The following TNR variants were observed in gnomAD, a reference collection of about 807,000 sequenced individuals.
TNR encodes tenascin-R.
Under a neutral mutation model 150.4 loss-of-function variants are expected in TNR, and 45 were observed. That is an observed-to-expected ratio of 0.30 (90% CI 0.24 to 0.38). The LOEUF (loss-of-function observed/expected upper bound fraction) is 0.38, where lower values mean the gene tolerates loss of function less well. Among genes scored for constraint, TNR ranks in the 10% least tolerant of loss-of-function variants. The pLI is 1.00. For synonymous variants in TNR, 687 were observed against 678.4 expected (o/e 1.01, Z -0.20); for missense variants, 1,544 against 1,759.1 (o/e 0.88, Z 2.19).
intron 1 of TNR, among the ~76,000 whole-genome samples, chr1:175,540,893 A>C (rs1229127541): frequency 1.3e-5 from 2 of 152,082 alleles, no homozygotes; most frequent in Admixed American, 1.3e-4. Context: ...AAACCTCTCA[A>C]GGTTTAAGGT....
intron 2 of TNR, among the ~76,000 whole-genome samples, chr1:175,450,595 A>G (rs921360094): frequency 3.9e-5 from 6 of 152,270 alleles, no homozygotes; most frequent in Non-Finnish European, 8.8e-5. Flanking sequence ...TCTTCTGGAC[A>G]GTGAGCTCCG....
In TNR at chr1:175,643,449, C is replaced by T. The variant is rs1260347250; in HGVS notation, c.-165+99777G>A. 2.0e-5 allele frequency among the ~76,000 whole-genome samples: 3 copies of T among 152,192 alleles called. No homozygotes were observed. The East Asian group carries it at 5.8e-4, about 29-fold the overall frequency. On this transcript the variant is annotated intron_variant, in intron 1 of 22. Transcript: ENST00000367674. ...TCTTCATATACACAGTGGAGATTTCCATGGCCTGTTCATCCACCTCATAGT... is the reference window on the plus strand; with the variant it reads ...TCTTCATATACACAGTGGAGATTTCTATGGCCTGTTCATCCACCTCATAGT...
intron 8 of TNR, among the ~76,000 whole-genome samples, chr1:175,384,258 G>T (rs1439220803): frequency 1.3e-5 from 2 of 152,220 alleles, no homozygotes; most frequent in African/African-American, 4.8e-5. Flanking sequence ...GGTATTGTGG[G>T]GGTGGGAAAT....
At chr1:175,342,428 C>T (rs1028474788) in intron 18 of TNR, among the ~76,000 whole-genome samples, 3 of 152,150 alleles carry the variant, frequency 2.0e-5, no homozygotes, top group Non-Finnish European at 4.4e-5. Flanking sequence ...TAGCAGGAGA[C>T]AGAGCAAGAA....
At position 175,508,393 on chromosome 1, in the gene TNR, G is replaced by T. The variant is rs190932844; in HGVS notation, c.-64+19876C>A. Among the ~76,000 whole-genome samples, 523 of 152,300 alleles carry T rather than the reference G, an allele frequency of 3.4e-3. 2 individuals are homozygous for T. Among genetic ancestry groups the T allele is most frequent in the African/African-American group, 0.012 (495 of 41,558 alleles). On this transcript the variant is annotated intron_variant, in intron 2 of 22. Transcript: ENST00000367674. Reference sequence around the variant, plus strand: ...TGGTCCCCAGTCATGCCACCTCCTGGTATTCACACCCTTGTCTAATTCCCT... The same window carrying T: ...TGGTCCCCAGTCATGCCACCTCCTGTTATTCACACCCTTGTCTAATTCCCT...
chr1:175,602,485 A>G (rs1335955157), intron 1 of TNR, among the ~76,000 whole-genome samples: 1 of 152,262 alleles, frequency 6.6e-6, no homozygotes, highest in Admixed American at 6.5e-5. Flanking sequence ...AAGTTTATCA[A>G]CAGGTCAAGC....
intron 2 of TNR, among the ~76,000 whole-genome samples, chr1:175,464,623 C>A (rs1656952996): frequency 6.6e-6 from 1 of 152,136 alleles, no homozygotes. Context: ...AGGTTATGAA[C>A]AGAAAGGTTG....
chr1:175,620,188 T>C (rs1165261413), intron 1 of TNR, among the ~76,000 whole-genome samples: 2 of 152,162 alleles, frequency 1.3e-5, no homozygotes, highest in Non-Finnish European at 2.9e-5. Flanking sequence ...TTCTCCCTGG[T>C]TTTTAAGAGA....
At chr1:175,337,481 G>A (rs1433429251) in intron 19 of TNR, 47 bp downstream of exon 19, 4 of 1,609,966 alleles carry the variant, frequency 2.5e-6, no homozygotes, top group African/African-American at 1.3e-5. Flanking sequence ...AGGTAGACTA[G>A]AACACTGAGG....
chr1:175,399,791 A>G (rs1653611941), intron 4 of TNR, among the ~76,000 whole-genome samples: 1 of 152,222 alleles, frequency 6.6e-6, no homozygotes, highest in African/African-American at 2.4e-5. Flanking sequence ...TTGAGGAATC[A>G]GGGTTGCTTA....
At chr1:175,600,326 T>C (rs1180078265) in intron 1 of TNR, among the ~76,000 whole-genome samples, 1 of 152,246 alleles carries the variant, frequency 6.6e-6, no homozygotes, top group Non-Finnish European at 1.5e-5. Flanking sequence ...TCTGGATTTA[T>C]GCAGTGAGAT....
intron 1 of TNR, among the ~76,000 whole-genome samples, chr1:175,581,785 T>C (rs763437738): frequency 2.0e-5 from 3 of 152,114 alleles, no homozygotes; most frequent in Non-Finnish European, 4.4e-5. Context: ...CCCCTGCTAA[T>C]AAAGAAAGAT....
chr1:175,382,516 T>C (rs1396312473), intron 8 of TNR, among the ~76,000 whole-genome samples: 2 of 152,216 alleles, frequency 1.3e-5, no homozygotes, highest in African/African-American at 4.8e-5. Context: ...GCCAAGCAGC[T>C]AGGGGCTTGA....
In TNR at chr1:175,711,635, C is replaced by A. The variant is rs958636828; in HGVS notation, c.-165+31591G>T. The stretch of plus-strand genomic sequence containing the variant: ...ACTGGGGAGAAGGCTAGTGCAGTAG[C>A]CCAGGCAGAGGACTGTGGCCGGGCC... On this transcript the variant is annotated intron_variant, in intron 1 of 22. Transcript: ENST00000367674. 3.7e-4 allele frequency among the ~76,000 whole-genome samples: 56 copies of A among 152,260 alleles called. 1 individual carries two copies.
intron 1 of TNR, among the ~76,000 whole-genome samples, chr1:175,687,417 G>A (rs549585345): frequency 6.6e-6 from 1 of 152,166 alleles, no homozygotes; most frequent in African/African-American, 2.4e-5. Context: ...TTTTCCAAAT[G>A]TTCAGTCTGC....
chr1:175,641,364 T>C (rs765114274), intron 1 of TNR, among the ~76,000 whole-genome samples: 2 of 152,064 alleles, frequency 1.3e-5, no homozygotes, highest in Non-Finnish European at 2.9e-5. Flanking sequence ...AACATCAATT[T>C]TGTGGTTTGC....
intron 1 of TNR, among the ~76,000 whole-genome samples, chr1:175,660,787 A>G (rs1178475132): frequency 6.6e-6 from 1 of 152,178 alleles, no homozygotes; most frequent in Non-Finnish European, 1.5e-5. Flanking sequence ...CAAACCATGG[A>G]GCACTGAGTC....
chr1:175,423,726 C>G (rs1654851368), intron 2 of TNR, among the ~76,000 whole-genome samples: 1 of 152,196 alleles, frequency 6.6e-6, no homozygotes, highest in East Asian at 1.9e-4. Context: ...AAGGTCAAGG[C>G]AGGCTGGCCT....
At chr1:175,401,323 C>T (rs1415209061) in intron 4 of TNR, among the ~76,000 whole-genome samples, 1 of 152,162 alleles carries the variant, frequency 6.6e-6, no homozygotes, top group Non-Finnish European at 1.5e-5. Flanking sequence ...ATTAACACAG[C>T]GATGGCCCAC....
Sources: gnomAD v4.1 joint callset for allele counts (sites outside exome capture counted in the v4.1 genomes callset) on GRCh38, gnomAD v4.1.1 for gene constraint, MANE v1.5 for transcripts, NCBI Gene and HGNC (gene_info 2026-07-23, HGNC 2026-07-21) for gene names.